Variants in RPH3A observed in about 807,000 individuals in gnomAD.
RPH3A encodes the protein rabphilin 3A.
A neutral mutation model predicts 102.2 loss-of-function variants in RPH3A; 48 were observed. The ratio of observed to expected loss-of-function variants is 0.47; its 90% confidence interval spans 0.37 to 0.60. The LOEUF is 0.60. Among genes scored for constraint, RPH3A ranks in the 20% least tolerant of loss-of-function variants. The pLI is 0.00. For missense variants in RPH3A, 781 were observed against 910.1 expected, an observed-to-expected ratio of 0.86 and a Z score of 1.83; for synonymous variants, 310 against 324.3, an observed-to-expected ratio of 0.96 and a Z score of 0.47.
chr12:112,842,589 C>T (rs2136180926), intron 4 of RPH3A, among the ~76,000 whole-genome samples: 1 of 152,338 alleles, frequency 6.6e-6, no homozygotes, highest in East Asian at 1.9e-4. Context: ...TGTAGGCAGC[C>T]ACCAGGTCTG....
At chr12:112,606,977 C>T (rs2039601340) in intron 1 of RPH3A, among the ~76,000 whole-genome samples, 1 of 152,146 alleles carries the variant, frequency 6.6e-6, no homozygotes. Context: ...TCTTGCTTTT[C>T]GTATCTGTAA....
chr12:112,736,206 CACG>C (rs1342062744), intron 1 of RPH3A, among the ~76,000 whole-genome samples: 4 of 152,216 alleles, frequency 2.6e-5, no homozygotes, highest in African/African-American at 4.8e-5. Flanking sequence ...GACCTCTATG[CACG>C]AGATTCTAGT....
chr12:112,896,871 A>G lies in RPH3A; in HGVS notation c.*91A>G, dbSNP rs980872402. On this transcript the variant is annotated 3_prime_UTR_variant, in exon 22 of 22. Coordinates refer to ENST00000389385, the MANE Select transcript of RPH3A (RefSeq NM_001143854.2). ...ACCCTGATCTCTCTTCTCTATGCCT[A>G]CCTCCCCCCATACCCTGCTGATCTC... 7 of 1,422,602 alleles carry G rather than the reference A, an allele frequency of 4.9e-6. No individual in the cohort carries two copies. The highest frequency in any genetic ancestry group is 6.8e-6 in the Non-Finnish European group (7 of 1,032,196). 88.1% of individuals were successfully genotyped at this position (1,422,602 alleles called of 1,614,324 possible).
intron 1 of RPH3A, among the ~76,000 whole-genome samples, chr12:112,692,647 C>T (rs1324819396): frequency 6.6e-6 from 1 of 152,090 alleles, no homozygotes; most frequent in Non-Finnish European, 1.5e-5. Context: ...CTATACCACA[C>T]TAATGTCCAC....
intron 1 of RPH3A, among the ~76,000 whole-genome samples, chr12:112,610,799 T>C (rs751692777): frequency 2.6e-5 from 4 of 151,950 alleles, no homozygotes; most frequent in Non-Finnish European, 5.9e-5. Flanking sequence ...GCCCAGCTAA[T>C]GTTCTGTATC....
chr12:112,668,630 A>G (rs539363439), intron 1 of RPH3A, among the ~76,000 whole-genome samples: 1 of 152,262 alleles, frequency 6.6e-6, no homozygotes, highest in South Asian at 2.1e-4. Flanking sequence ...GGACACAGGG[A>G]GGGGAACATC....
At chr12:112,820,524 G>C (rs918999495) in intron 2 of RPH3A, among the ~76,000 whole-genome samples, 1 of 152,166 alleles carries the variant, frequency 6.6e-6, no homozygotes, top group Non-Finnish European at 1.5e-5. Context: ...CTGCAAAATG[G>C]AGATAATACT....
chr12:112,778,927 T>C (rs2040987939), intron 1 of RPH3A, among the ~76,000 whole-genome samples: 1 of 152,016 alleles, frequency 6.6e-6, no homozygotes, highest in African/African-American at 2.4e-5. Context: ...TCCTGGAGTA[T>C]AGGGAGGCAT....
intron 1 of RPH3A, among the ~76,000 whole-genome samples, chr12:112,629,816 A>G (rs1401333309): frequency 6.6e-6 from 1 of 152,182 alleles, no homozygotes; most frequent in African/African-American, 2.4e-5. Context: ...CTATTTATCA[A>G]GCCCTTATGC....
At chr12:112,876,540 C>G in intron 12 of RPH3A, 102 bp from the exon 13 acceptor site, 1 of 818,212 alleles carries the variant, frequency 1.2e-6, no homozygotes, top group Non-Finnish European at 1.9e-6. Context: ...TCCACTGATT[C>G]CGGGTGAAGC....
At chr12:112,732,296 C>T (rs1273802769) in intron 1 of RPH3A, among the ~76,000 whole-genome samples, 4 of 152,176 alleles carry the variant, frequency 2.6e-5, no homozygotes, top group African/African-American at 9.7e-5. Context: ...GGAGGATGAA[C>T]ACGCTCATTT....
At chr12:112,709,931 C>T (rs2136034350) in intron 1 of RPH3A, among the ~76,000 whole-genome samples, 1 of 152,266 alleles carries the variant, frequency 6.6e-6, no homozygotes, top group African/African-American at 2.4e-5. Context: ...GCCGGAGCAT[C>T]CTCCTTTTGT....
rs559523958 is a variant in RPH3A at position 112,876,856 on chromosome 12, G to A, written c.1161G>A (p.Ser387=). 8.8e-6 allele frequency: 14 copies of A among 1,598,584 alleles called. No individual in the cohort carries two copies. The highest frequency in any genetic ancestry group is 4.5e-5 in the East Asian group (2 of 44,474). Residue 387 remains serine (S), a synonymous_variant, in exon 13 of 22, where the codon TCG becomes TCA. Coordinates refer to ENST00000389385, the MANE Select transcript of RPH3A (RefSeq NM_001143854.2). The part of the protein sequence containing the change: ...EEEEEANSYD[S]DEATTLGALE... ...AAGAGGAAGCCAACAGCTACGATTC[G>A]GATGAAGCAAGTAGGTGGTGCCTAA...
At chr12:112,615,630 T>C (rs78247404) in intron 1 of RPH3A, among the ~76,000 whole-genome samples, 3,556 of 152,278 alleles carry the variant, frequency 0.023, 140 homozygotes, top group African/African-American at 0.081. Context: ...GCTTGTCTTT[T>C]GGCGACTTCT....
intron 1 of RPH3A, among the ~76,000 whole-genome samples, chr12:112,786,070 GA>G (rs1430169161): frequency 1.3e-5 from 2 of 152,188 alleles, no homozygotes; most frequent in African/African-American, 4.8e-5. Context: ...CTGAGGTTCG[GA>G]GCATGCCAGT....
intron 5 of RPH3A, among the ~76,000 whole-genome samples, chr12:112,857,433 C>T (rs1026291220): frequency 6.6e-6 from 1 of 152,054 alleles, no homozygotes; most frequent in African/African-American, 2.4e-5. Context: ...AGATGGACCC[C>T]ATAGGAAACA....
Position 112,639,475 on chromosome 12 carries a change from G to T in RPH3A, c.-140+64156G>T, listed in dbSNP as rs145883008. Among the ~76,000 whole-genome samples, 77 of 152,236 alleles carry T rather than the reference G, an allele frequency of 5.1e-4. No homozygotes were observed. The East Asian group carries it at 0.013, about 25-fold the overall frequency. On this transcript the variant is annotated intron_variant, in intron 1 of 21. Transcript: ENST00000543106. ...GCACATGGATACATGAAGGGATGGG[G>T]GTAACACTGGGGCCTGTCGGGGGAG...
chr12:112,856,551 C>A (rs1182208771), intron 5 of RPH3A, among the ~76,000 whole-genome samples: 2 of 151,268 alleles, frequency 1.3e-5, no homozygotes, highest in Non-Finnish European at 2.9e-5. Context: ...TACAGGCGTG[C>A]CTGTGGATAT....
At chr12:112,681,346 C>A (rs2040224760) in intron 1 of RPH3A, among the ~76,000 whole-genome samples, 1 of 152,228 alleles carries the variant, frequency 6.6e-6, no homozygotes, top group Admixed American at 6.5e-5. Flanking sequence ...CCCATTCTCA[C>A]CCAGCAGCCA....
Sources: allele counts gnomAD v4.1 joint callset (sites outside exome capture counted in the v4.1 genomes callset), GRCh38; gene constraint gnomAD v4.1.1; transcripts MANE v1.5; gene names NCBI Gene and HGNC (gene_info 2026-07-23, HGNC 2026-07-21).